The following SLF1 variants were observed in gnomAD, a reference collection of about 807,000 sequenced individuals.
SLF1 encodes the protein SMC5/6 complex localization factor 1.
Under a neutral mutation model 123.0 loss-of-function variants are expected in SLF1, and 105 were observed. The observed-to-expected ratio is 0.85, with a 90% CI of 0.73 to 1.00. SLF1 has a LOEUF of 1.00. Ranked by LOEUF, SLF1 falls within the 50% of genes least tolerant of loss-of-function variation. The pLI is 0.00. For missense variants in SLF1, 1,239 were observed against 1,223.0 expected, an observed-to-expected ratio of 1.01 and a Z score of -0.20; for synonymous variants, 434 against 406.6, an observed-to-expected ratio of 1.07 and a Z score of -0.81.
intron 15 of SLF1, 33 bp from the exon 16 acceptor site, chr5:94,686,540 A>G (rs1752451759): frequency 6.2e-7 from 1 of 1,607,792 alleles, no homozygotes; most frequent in African/African-American, 1.3e-5. Context: ...AGGATACAGC[A>G]ATAACTATAT....
intron 13 of SLF1, 55 bp downstream of exon 13, chr5:94,670,334 C>A: frequency 2.3e-6 from 3 of 1,276,848 alleles, no homozygotes; most frequent in Admixed American, 3.6e-5. Context: ...TTTTTATGCA[C>A]CATTTTTTTT....
intron 5 of SLF1, among the ~76,000 whole-genome samples, chr5:94,645,235 A>C (rs1270588929): frequency 6.6e-6 from 1 of 152,206 alleles, no homozygotes; most frequent in East Asian, 1.9e-4. Flanking sequence ...ACACAGAAGA[A>C]TGTAACCTGA....
At chr5:94,692,297 A>G (rs376189270) in intron 20 of SLF1, 41 bp downstream of exon 20, 285 of 1,583,476 alleles carry the variant, frequency 1.8e-4, no homozygotes, top group Non-Finnish European at 2.4e-4. Context: ...TAAATTATCC[A>G]GTTTTTTGAT....
intron 5 of SLF1, 25 bp downstream of exon 5, chr5:94,643,460 T>C (rs551792040): frequency 5.9e-6 from 8 of 1,354,084 alleles, no homozygotes; most frequent in Middle Eastern, 2.0e-4. Flanking sequence ...TAGTAAACAT[T>C]TTATTTTGTT....
In SLF1 at chr5:94,670,249, T is replaced by A; in HGVS notation, c.1631T>A (p.Ile544Asn). Residue 544 changes from isoleucine to asparagine, a missense_variant, in exon 13 of 21, where the codon ATT becomes AAT. Coordinates refer to ENST00000265140, the MANE Select transcript of SLF1 (RefSeq NM_032290.4). Reference protein sequence around the residue: ...LTLLKFFFNLIESEVQHLSQK... With the variant: ...LTLLKFFFNLNESEVQHLSQK... ...CTACTCAAATTTTTCTTTAATTTAA[T>A]TGAAAGTGAAGTACAACATCTGAGT... The A allele has an allele frequency of 6.6e-7, 1 of 1,514,000 alleles. No homozygotes were observed. The highest frequency in any genetic ancestry group is 1.3e-5 in the South Asian group (1 of 76,464). The allele number at this position is 1,514,000 out of a possible 1,614,324, so 93.8% of individuals were successfully genotyped here.
At position 94,678,736 on chromosome 5, in the gene SLF1, A is replaced by G. The variant is rs1561468005; in HGVS notation, c.1828-72A>G. ...AGCTATGTTTTGCCCCTCAAAAAGT[A>G]TTCAAAATAAATACTAACAGAAATT... On this transcript the variant is annotated intron_variant, in intron 14 of 20. Coordinates refer to ENST00000265140, the MANE Select transcript of SLF1 (RefSeq NM_032290.4). The G allele has an allele frequency of 5.1e-6, 7 of 1,383,226 alleles. No individual in the cohort carries two copies. The East Asian group carries it at 1.8e-4, about 35-fold the overall frequency. The allele number at this position is 1,383,226 out of a possible 1,614,324, so 85.7% of individuals were successfully genotyped here.
Position 94,663,793 on chromosome 5 carries a change from A to G in SLF1, c.1253A>G (p.Glu418Gly), listed in dbSNP as rs753889622. The G allele has an allele frequency of 8.4e-6, 13 of 1,548,274 alleles. No individual in the cohort carries two copies. Among genetic ancestry groups the G allele is most frequent in the Non-Finnish European group, 1.0e-5 (12 of 1,145,760 alleles). Reference protein sequence around the residue: ...EFPRGVLNLIESLIEGHFFKE... With the variant: ...EFPRGVLNLIGSLIEGHFFKE... Reference sequence around the variant, plus strand: ...CCCAGAGGTGTATTAAATTTAATTGAAAGCCTCATAGAAGGACATTTTTTT... The same window carrying G: ...CCCAGAGGTGTATTAAATTTAATTGGAAGCCTCATAGAAGGACATTTTTTT... The change falls in exon 11 of 21, where the codon GAA becomes GGA. Residue 418 changes from glutamate (E) to glycine (G), a missense_variant. Physicochemically the swap from Glu to Gly is moderately conservative, Grantham distance 98. Coordinates refer to ENST00000265140, the MANE Select transcript of SLF1 (RefSeq NM_032290.4).
intron 5 of SLF1, 48 bp from the exon 6 acceptor site, chr5:94,649,406 T>C (rs1398196004): frequency 1.5e-6 from 2 of 1,365,738 alleles, no homozygotes; most frequent in Non-Finnish European, 1.9e-6. Context: ...TACATAATAT[T>C]GAAAATACAC....
At chr5:94,686,417 A>G (rs1752438113) in intron 15 of SLF1, among the ~76,000 whole-genome samples, 156 bp from the exon 16 acceptor site, 1 of 152,214 alleles carries the variant, frequency 6.6e-6, no homozygotes, top group African/African-American at 2.4e-5. Flanking sequence ...AGGAATAGTG[A>G]TATGACCTAT....
intron 4 of SLF1, among the ~76,000 whole-genome samples, chr5:94,634,440 C>T (rs1268683579): frequency 6.6e-6 from 1 of 152,174 alleles, no homozygotes; most frequent in Non-Finnish European, 1.5e-5. Flanking sequence ...ATTTGTCTTT[C>T]TGTGCTGGGA....
In SLF1 at chr5:94,686,690, C is replaced by T. The variant is rs1279061700; in HGVS notation, c.2093C>T (p.Ser698Phe). 3.1e-6 allele frequency: 5 copies of T among 1,613,956 alleles called. No individual in the cohort carries two copies. The highest frequency in any genetic ancestry group is 3.4e-6 in the Non-Finnish European group (4 of 1,179,974). The change falls in exon 16 of 21, where the codon TCT becomes TTT. Residue 698 changes from serine (S) to phenylalanine (F), a missense_variant. Transcript: ENST00000265140. ...KLCLQSSGSVSSEPLSLQKMV... is the reference protein window; with the variant it reads ...KLCLQSSGSVFSEPLSLQKMV... ...TGTCTACAGAGCTCTGGCAGTGTTTCTTCTGAGCCACTCTCTCTTCAGAAA... is the reference window on the plus strand; with the variant it reads ...TGTCTACAGAGCTCTGGCAGTGTTTTTTCTGAGCCACTCTCTCTTCAGAAA...
rs1175594855 is a variant in SLF1, at chr5:94,633,470, T to C, written c.431+2727T>C. Among the ~76,000 whole-genome samples, 9 of 152,226 alleles carry C rather than the reference T, an allele frequency of 5.9e-5. No homozygotes were observed. The East Asian group carries it at 1.7e-3, about 29-fold the overall frequency. On this transcript the variant is annotated intron_variant, in intron 4 of 20. Transcript: ENST00000265140. Reference sequence around the variant, plus strand: ...ATGTAAATATCTAAACCTAATGTGATATTTAATGGTGAAAGATTTTTTCCC... The same window carrying C: ...ATGTAAATATCTAAACCTAATGTGACATTTAATGGTGAAAGATTTTTTCCC...
intron 12 of SLF1, among the ~76,000 whole-genome samples, chr5:94,669,195 G>C (rs373231219): frequency 3.3e-5 from 5 of 152,258 alleles, no homozygotes; most frequent in African/African-American, 1.2e-4. Flanking sequence ...AATGCATAGA[G>C]AAACGTAAGT....
rs534885171 is a variant in SLF1 at position 94,627,596 on chromosome 5, A to G, written c.1-1215A>G. Among the ~76,000 whole-genome samples, 822 of 123,426 alleles carry G rather than the reference A, an allele frequency of 6.7e-3. 14 individuals are homozygous for G. The highest frequency in any genetic ancestry group is 0.019 in the African/African-American group (608 of 32,224). 81.0% of individuals were successfully genotyped at this position (123,426 alleles called of 152,430 possible). ...AATGATGAAATTAACATATATATAT[A>G]TATATATATATATATATATATATAG... is the stretch of plus-strand genomic sequence containing the variant. On this transcript the variant is annotated intron_variant, in intron 1 of 20. Coordinates refer to ENST00000265140, the MANE Select transcript of SLF1 (RefSeq NM_032290.4).
intron 1 of SLF1, among the ~76,000 whole-genome samples, chr5:94,621,072 A>G (rs1791742406): frequency 6.6e-6 from 1 of 152,168 alleles, no homozygotes; most frequent in Admixed American, 6.5e-5. Flanking sequence ...ATAATTTATA[A>G]TTATGTTTAA....
chr5:94,666,341 G>A (rs1275937134), intron 12 of SLF1, among the ~76,000 whole-genome samples: 3 of 152,114 alleles, frequency 2.0e-5, no homozygotes, highest in Non-Finnish European at 4.4e-5. Context: ...TATGGAATAT[G>A]CATATCATCA....
rs758543252 is a variant in SLF1, at chr5:94,694,919, T to C, written c.2784T>C (p.Ala928=). ...VSPQIKEELF[A]ITKIEDTVEN... is the part of the protein sequence containing the mutation. ...CTCAAATCAAAGAAGAACTGTTTGC[T>C]ATTACAAAAATAGAAGATACAGTGG... is the stretch of plus-strand genomic sequence containing the variant. The change falls in exon 21 of 21, where the codon GCT becomes GCC. Residue 928 remains alanine, a synonymous_variant. Transcript: ENST00000265140. 4.3e-6 allele frequency: 7 copies of C among 1,612,064 alleles called. No homozygotes were observed. The highest frequency in any genetic ancestry group is 1.7e-4 in the Middle Eastern group (1 of 6,048).
intron 9 of SLF1, among the ~76,000 whole-genome samples, chr5:94,655,263 G>A (rs1447948100): frequency 6.6e-6 from 1 of 151,964 alleles, no homozygotes; most frequent in Non-Finnish European, 1.5e-5. Context: ...ATTTATTTTT[G>A]GATTCTCTGT....
chr5:94,691,807 C>A (rs1447697677), intron 19 of SLF1, 151 bp downstream of exon 19: 2 of 686,556 alleles, frequency 2.9e-6, no homozygotes, highest in Non-Finnish European at 4.5e-6. Context: ...CAAGAAATTT[C>A]TCATATATTG....
Sources: allele counts gnomAD v4.1 joint callset (sites outside exome capture counted in the v4.1 genomes callset), GRCh38; gene constraint gnomAD v4.1.1; transcripts MANE v1.5; gene names NCBI Gene and HGNC (gene_info 2026-07-23, HGNC 2026-07-21).